RBFOX1: variants seen among roughly 807,000 people sequenced by gnomAD.
RBFOX1 encodes the protein RNA binding protein fox-1 homolog 1.
A neutral mutation model predicts 57.7 loss-of-function variants in RBFOX1; 8 were observed. The observed-to-expected ratio is 0.14, with a 90% CI of 0.08 to 0.25. The LOEUF (loss-of-function observed/expected upper bound fraction) is 0.25. RBFOX1 is among the 10% of genes least tolerant of loss of function. The probability of loss-of-function intolerance (pLI) is 1.00; values close to 1 mark genes in which losing one functional copy is unlikely to be tolerated. For synonymous variants in RBFOX1, 326 were observed against 222.4 expected (o/e 1.47, Z -4.15); for missense variants, 611 against 548.5 (o/e 1.11, Z -1.14).
intron 2 of RBFOX1, among the ~76,000 whole-genome samples, chr16:5,472,128 A>AT (rs2069157586): frequency 6.6e-6 from 1 of 152,062 alleles, no homozygotes; most frequent in Non-Finnish European, 1.5e-5. Flanking sequence ...TGAGAATCTT[A>AT]TTATCACGGC....
chr16:6,486,367 C>G (rs2095482310), intron 2 of RBFOX1, among the ~76,000 whole-genome samples: 1 of 151,796 alleles, frequency 6.6e-6, no homozygotes, highest in South Asian at 2.1e-4. Context: ...ATTTTGAGCA[C>G]AGTTGTAATC....
chr16:5,786,885 C>T (rs1255905745), intron 3 of RBFOX1, among the ~76,000 whole-genome samples: 1 of 152,152 alleles, frequency 6.6e-6, no homozygotes, highest in Non-Finnish European at 1.5e-5. Flanking sequence ...CCTGTAATCC[C>T]AGCACTTTGG....
chr16:6,681,021 T>G (rs566166222), intron 3 of RBFOX1, among the ~76,000 whole-genome samples: 2 of 152,240 alleles, frequency 1.3e-5, no homozygotes, highest in South Asian at 2.1e-4. Flanking sequence ...TAAGTAGAAA[T>G]CTGTTTAGGC....
rs140016835 is a variant in RBFOX1, at chr16:5,566,376, C to T, written c.259-32526C>T. Among the ~76,000 whole-genome samples the T allele has an allele frequency of 2.4e-3, 362 of 151,908 alleles. 2 individuals are homozygous for T. The highest frequency in any genetic ancestry group is 7.3e-3 in the African/African-American group (303 of 41,392). On this transcript the variant is annotated intron_variant, in intron 2 of 2. Transcript: ENST00000585867. ...AAACATCGGGCTGCAAATGGTGGCA[C>T]GGTACATAGAGAATATTAAATGTGA...
chr16:6,774,753 G>C (rs561157189), intron 3 of RBFOX1, among the ~76,000 whole-genome samples: 14 of 152,118 alleles, frequency 9.2e-5, no homozygotes, highest in South Asian at 8.3e-4. Flanking sequence ...TAGTTCAACT[G>C]TTGAGTTGAA....
chr16:6,280,773 G>A (rs781424366), intron 1 of RBFOX1, among the ~76,000 whole-genome samples: 1 of 151,948 alleles, frequency 6.6e-6, no homozygotes, highest in Admixed American at 6.6e-5. Context: ...ACATCTGAAG[G>A]GCTCACAGCT....
intron 4 of RBFOX1, among the ~76,000 whole-genome samples, chr16:5,904,231 C>G (rs2058384640): frequency 6.6e-6 from 1 of 151,994 alleles, no homozygotes; most frequent in Admixed American, 6.6e-5. Flanking sequence ...AAATTCTTCC[C>G]ACTGTGAAAA....
chr16:6,746,567 A>T lies in RBFOX1; in HGVS notation c.-16+91917A>T, dbSNP rs13337494. 3.8e-4 allele frequency among the ~76,000 whole-genome samples: 58 copies of T among 152,080 alleles called. 1 individual carries two copies. The East Asian group carries it at 5.1e-3, about 13-fold the overall frequency. On this transcript the variant is annotated intron_variant, in intron 3 of 15. Transcript: ENST00000550418. Reference sequence around the variant, plus strand: ...TGGCACATGTCTGCAGTCCCTAGCTACCTGGGAGGCTGAACTGGGGGGATC... The same window carrying T: ...TGGCACATGTCTGCAGTCCCTAGCTTCCTGGGAGGCTGAACTGGGGGGATC...
At chr16:5,401,058 G>C (rs952925350) in intron 1 of RBFOX1, among the ~76,000 whole-genome samples, 2 of 152,088 alleles carry the variant, frequency 1.3e-5, no homozygotes, top group Non-Finnish European at 2.9e-5. Context: ...GTTCAAAGGA[G>C]ATTTTTTAAA....
intron 5 of RBFOX1, among the ~76,000 whole-genome samples, chr16:7,571,962 C>T (rs537823136): frequency 1.3e-5 from 2 of 152,282 alleles, no homozygotes; most frequent in African/African-American, 4.8e-5. Flanking sequence ...AACCCTGTCT[C>T]TATTCAATCT....
chr16:5,922,137 G>C (rs938294335), intron 4 of RBFOX1, among the ~76,000 whole-genome samples: 3 of 152,154 alleles, frequency 2.0e-5, no homozygotes, highest in African/African-American at 7.2e-5. Flanking sequence ...TTCCAGCCTA[G>C]GCAACACAGC....
intron 3 of RBFOX1, among the ~76,000 whole-genome samples, chr16:5,725,929 T>C (rs1431085008): frequency 6.6e-6 from 1 of 151,952 alleles, no homozygotes; most frequent in African/African-American, 2.4e-5. Flanking sequence ...TTCCTTCCTT[T>C]GCTGATGTGA....
intron 4 of RBFOX1, among the ~76,000 whole-genome samples, chr16:7,357,474 C>A (rs145605644): frequency 1.3e-5 from 2 of 152,148 alleles, no homozygotes; most frequent in African/African-American, 4.8e-5. Flanking sequence ...TTTGGCCTCA[C>A]CTTTTTGCCC....
chr16:6,738,562 C>T (rs544409004), intron 3 of RBFOX1, among the ~76,000 whole-genome samples: 192 of 152,230 alleles, frequency 1.3e-3, no homozygotes, highest in African/African-American at 4.2e-3. Flanking sequence ...ACATCCATCT[C>T]GCAACAATTT....
At chr16:6,714,402 G>A (rs1017511315) in intron 3 of RBFOX1, among the ~76,000 whole-genome samples, 1 of 152,122 alleles carries the variant, frequency 6.6e-6, no homozygotes, top group Non-Finnish European at 1.5e-5. Flanking sequence ...GCCACCTGCA[G>A]AATTTATTTT....
intron 3 of RBFOX1, among the ~76,000 whole-genome samples, chr16:5,848,284 C>A (rs2056806826): frequency 6.6e-6 from 1 of 152,162 alleles, no homozygotes; most frequent in African/African-American, 2.4e-5. Flanking sequence ...TGCAGCCCAC[C>A]ACCAGTGGAC....
intron 11 of RBFOX1, among the ~76,000 whole-genome samples, chr16:7,651,899 G>C (rs1017961256): frequency 2.0e-5 from 3 of 152,188 alleles, no homozygotes; most frequent in African/African-American, 7.2e-5. Context: ...TAGTGAGATG[G>C]GACAAGCGTA....
At chr16:5,554,308 G>A (rs1227558796) in intron 2 of RBFOX1, among the ~76,000 whole-genome samples, 1 of 151,904 alleles carries the variant, frequency 6.6e-6, no homozygotes, top group Non-Finnish European at 1.5e-5. Flanking sequence ...TGACCTAAAA[G>A]CATAAAACCT....
chr16:7,202,224 CATT>C (rs749203188), intron 4 of RBFOX1, among the ~76,000 whole-genome samples: 22 of 149,708 alleles, frequency 1.5e-4, no homozygotes, highest in Non-Finnish European at 2.7e-4. Flanking sequence ...TGCTCAACAT[CATT>C]AATCATTAGA....
Sources: allele counts gnomAD v4.1 joint callset (sites outside exome capture counted in the v4.1 genomes callset), GRCh38; gene constraint gnomAD v4.1.1; transcripts MANE v1.5; gene names NCBI Gene and HGNC (gene_info 2026-07-23, HGNC 2026-07-21).